DISP1: variants seen among roughly 807,000 people sequenced by gnomAD.
The protein encoded by DISP1 is protein dispatched homolog 1.
In DISP1, 30 loss-of-function variants were observed where a neutral mutation model predicts 37.3. The ratio of observed to expected loss-of-function variants is 0.80; its 90% confidence interval spans 0.60 to 1.09. The LOEUF is 1.09. Among genes scored for constraint, DISP1 ranks in the 50% least tolerant of loss-of-function variants. The probability of loss-of-function intolerance (pLI) is 0.00; values close to 1 mark genes in which losing one functional copy is unlikely to be tolerated. For missense variants in DISP1, 1,598 were observed against 1,879.5 expected (o/e 0.85, Z 2.77); for synonymous variants, 634 against 690.2 (o/e 0.92, Z 1.28).
chr1:222,943,870 A>T (rs893452051), intron 3 of DISP1, among the ~76,000 whole-genome samples: 3 of 152,126 alleles, frequency 2.0e-5, no homozygotes, highest in African/African-American at 7.2e-5. Context: ...CTCTACTAAA[A>T]ATACAAAAAA....
chr1:222,950,548 T>C (rs1403876907), intron 3 of DISP1, among the ~76,000 whole-genome samples: 1 of 151,728 alleles, frequency 6.6e-6, no homozygotes, highest in South Asian at 2.1e-4. Flanking sequence ...TGCAGTGATC[T>C]GAGATCGCAC....
intron 1 of DISP1, among the ~76,000 whole-genome samples, chr1:222,844,989 C>T (rs572865560): frequency 5.3e-5 from 8 of 152,190 alleles, no homozygotes; most frequent in Non-Finnish European, 7.4e-5. Flanking sequence ...ACTGACTTTA[C>T]TAAAATGGAA....
At chr1:222,945,014 CAA>C (rs5781292) in intron 3 of DISP1, among the ~76,000 whole-genome samples, 1 of 147,190 alleles carries the variant, frequency 6.8e-6, no homozygotes, top group South Asian at 2.2e-4. Context: ...TCTGTATCTA[CAA>C]AAAAAAAAGG....
chr1:222,997,924 T>C (rs1679186437), intron 8 of DISP1, among the ~76,000 whole-genome samples: 1 of 152,120 alleles, frequency 6.6e-6, no homozygotes, highest in South Asian at 2.1e-4. Flanking sequence ...AATGAATAAA[T>C]AGGTGATCAA....
intron 1 of DISP1, among the ~76,000 whole-genome samples, chr1:222,873,728 A>G (rs1478927763): frequency 1.3e-5 from 2 of 152,048 alleles, no homozygotes; most frequent in Non-Finnish European, 2.9e-5. Flanking sequence ...CTCTTTTCCA[A>G]TTTGCCAGTC....
chr1:222,944,605 C>T (rs1413570371), intron 3 of DISP1, among the ~76,000 whole-genome samples: 2 of 152,096 alleles, frequency 1.3e-5, no homozygotes, highest in Non-Finnish European at 2.9e-5. Context: ...TTCTGTCACC[C>T]CAGAAGGTAA....
intron 1 of DISP1, among the ~76,000 whole-genome samples, chr1:222,827,069 C>G (rs1445335710): frequency 1.3e-5 from 2 of 152,142 alleles, no homozygotes; most frequent in Non-Finnish European, 2.9e-5. Flanking sequence ...AAGACGTTTT[C>G]TGCCTTTAGC....
intron 1 of DISP1, among the ~76,000 whole-genome samples, chr1:222,887,494 T>TG (rs901596297): frequency 3.3e-5 from 4 of 121,008 alleles, no homozygotes; most frequent in African/African-American, 1.2e-4. Context: ...TTGTTTTTTT[T>TG]TTTTTTTTTT....
intron 3 of DISP1, among the ~76,000 whole-genome samples, chr1:222,945,346 C>G (rs77124628): frequency 0.022 from 3,287 of 152,088 alleles, 112 homozygotes; most frequent in African/African-American, 0.075. Flanking sequence ...TAGTTTTAGA[C>G]TCTTTCCATT....
intron 3 of DISP1, among the ~76,000 whole-genome samples, chr1:222,977,546 T>TA (rs200411308): frequency 1.8e-3 from 260 of 148,498 alleles, no homozygotes; most frequent in African/African-American, 6.3e-3. Context: ...TTTTTTTTTT[T>TA]TTATTATACT....
intron 1 of DISP1, among the ~76,000 whole-genome samples, chr1:222,913,244 T>C (rs966135326): frequency 5.3e-5 from 8 of 152,290 alleles, no homozygotes; most frequent in African/African-American, 1.9e-4. Context: ...AAATATAATA[T>C]TAAGACCAAA....
rs78992579 is a variant in DISP1, at chr1:222,998,209, C to G, written c.987+3227C>G. 7.9e-5 allele frequency among the ~76,000 whole-genome samples: 12 copies of G among 151,558 alleles called. No homozygotes were observed. The East Asian group carries it at 2.4e-3, about 30-fold the overall frequency. ...GTTACAGTGGTTCGAGCAGAGTTGT[C>G]CTAAGACTACTTGGCAGTTGTTCCT... is the stretch of plus-strand genomic sequence containing the variant. On this transcript the variant is annotated intron_variant, in intron 8 of 8. Coordinates refer to ENST00000675850, the MANE Select transcript of DISP1 (RefSeq NM_001377229.1).
chr1:222,979,761 G>A (rs933594258), intron 3 of DISP1: 9 of 432,618 alleles, frequency 2.1e-5, no homozygotes, highest in South Asian at 1.5e-4. Flanking sequence ...TGCATACTTG[G>A]ATAGCCCTGG....
At chr1:222,867,483 G>C (rs563009437) in intron 1 of DISP1, among the ~76,000 whole-genome samples, 52 of 152,170 alleles carry the variant, frequency 3.4e-4, no homozygotes, top group Non-Finnish European at 6.2e-4. Context: ...TGGTTAATTT[G>C]TTAGGAAACC....
At chr1:222,923,463 A>G (rs1301657485) in intron 1 of DISP1, among the ~76,000 whole-genome samples, 2 of 152,218 alleles carry the variant, frequency 1.3e-5, no homozygotes, top group African/African-American at 4.8e-5. Context: ...GAGCAAAGAT[A>G]CAGTGGATAA....
chr1:222,963,864 C>T (rs113674423), intron 3 of DISP1, among the ~76,000 whole-genome samples: 1 of 151,918 alleles, frequency 6.6e-6, no homozygotes, highest in African/African-American at 2.4e-5. Flanking sequence ...GCACATTCTG[C>T]ACATGTATCC....
intron 1 of DISP1, among the ~76,000 whole-genome samples, chr1:222,819,721 A>G (rs1383054038): frequency 2.0e-5 from 3 of 151,862 alleles, no homozygotes; most frequent in Non-Finnish European, 4.4e-5. Context: ...TTGTGTTTTT[A>G]GCAGGGACAG....
At chr1:222,848,410 CA>C (rs34786511) in intron 1 of DISP1, among the ~76,000 whole-genome samples, 29,948 of 151,296 alleles carry the variant, frequency 0.2, 3,553 homozygotes, top group Non-Finnish European at 0.26. Flanking sequence ...GAGTAAATTA[CA>C]AAAAAAGTAA....
chr1:222,884,674 T>C (rs764445713), intron 1 of DISP1, among the ~76,000 whole-genome samples: 4 of 152,196 alleles, frequency 2.6e-5, no homozygotes, highest in Non-Finnish European at 4.4e-5. Flanking sequence ...ATTGGTGATG[T>C]TAACTTTGAT....
Sources: gnomAD v4.1 joint callset for allele counts (sites outside exome capture counted in the v4.1 genomes callset) on GRCh38, gnomAD v4.1.1 for gene constraint, MANE v1.5 for transcripts, NCBI Gene and HGNC (gene_info 2026-07-23, HGNC 2026-07-21) for gene names.